The following ARHGEF5 variants were observed in gnomAD, a reference collection of about 807,000 sequenced individuals.
ARHGEF5 encodes Rho guanine nucleotide exchange factor 5, also known as Rho guanine nucleotide exchange factor (GEF) 5.
ARHGEF5 carries 11 observed loss-of-function variants against 104.0 expected under a neutral mutation model. That is an observed-to-expected ratio of 0.11 (90% CI 0.07 to 0.18). The LOEUF is 0.18. Among genes scored for constraint, ARHGEF5 ranks in the 10% least tolerant of loss-of-function variants. ARHGEF5 has a pLI of 1.00. For missense variants in ARHGEF5, 165 were observed against 1,335.4 expected (o/e 0.12, Z 13.66); for synonymous variants, 60 against 512.2 (o/e 0.12, Z 11.92).
Position 144,379,925 on chromosome 7 carries a change from GA to G in ARHGEF5, c.4664del (p.Asp1555AlafsTer25), listed in dbSNP as rs774972038. The G allele has an allele frequency of 6.2e-7, 1 of 1,614,204 alleles. No individual in the cohort carries two copies. The highest frequency in any genetic ancestry group is 1.3e-5 in the African/African-American group (1 of 75,054). On this transcript the variant is annotated frameshift_variant, in exon 15 of 15. Transcript: ENST00000056217. LOFTEE classifies it high-confidence loss of function. ...CTGGCTGGAGGGCGTGAGGCTCTCA[GA>G]CGGGGAGCGAGGCTGGTTTCCTGTG... The part of the protein sequence containing the change: ...DGWLEGVRLS[D>X]GERGWFPVQQ...
At chr7:144,358,000 G>A (rs1308182221) in intron 1 of ARHGEF5, among the ~76,000 whole-genome samples, 6 of 114,186 alleles carry the variant, frequency 5.3e-5, no homozygotes, top group Non-Finnish European at 3.7e-5. Context: ...ATGCCTTTAC[G>A]TGAGTAAGAC....
intron 1 of ARHGEF5, among the ~76,000 whole-genome samples, chr7:144,359,371 C>T (rs1270933614): frequency 3.5e-5 from 5 of 142,754 alleles, no homozygotes; most frequent in African/African-American, 1.3e-4. Flanking sequence ...AGAGGCACAA[C>T]CAAACACTGA....
At position 144,380,276 on chromosome 7, in the gene ARHGEF5, C is replaced by G. The variant is rs1016475493; in HGVS notation, c.*220C>G. The stretch of plus-strand genomic sequence containing the variant: ...GGGACTTTGCACTGGACTCTGGGAA[C>G]CTTTCATCATTAAAAAAAGGGGGAC... On this transcript the variant is annotated 3_prime_UTR_variant, in exon 15 of 15. Coordinates refer to ENST00000056217, the MANE Select transcript of ARHGEF5 (RefSeq NM_005435.4). 1.2e-5 allele frequency: 6 copies of G among 511,222 alleles called. No individual in the cohort carries two copies. Among genetic ancestry groups the G allele is most frequent in the South Asian group, 9.3e-5 (3 of 32,346 alleles). The allele number at this position is 511,222 out of a possible 1,614,324, so 31.7% of individuals were successfully genotyped here.
rs1293570855 is a variant in ARHGEF5, at chr7:144,363,284, G to A, written c.615G>A (p.Arg205=). ...QNEGSESGTI[R]QGEELPPEEL... is the part of the protein sequence containing the mutation. Reference sequence around the variant, plus strand: ...AAGGCTCTGAAAGTGGGACTATCAGGCAGGGGGAAGAGCTGCCACCTGAGG... The same window carrying A: ...AAGGCTCTGAAAGTGGGACTATCAGACAGGGGGAAGAGCTGCCACCTGAGG... The change falls in exon 2 of 15, where the codon AGG becomes AGA. Residue 205 remains arginine, a synonymous_variant. Transcript: ENST00000056217. 1 of 1,592,852 alleles carries A rather than the reference G, an allele frequency of 6.3e-7. No homozygotes were observed. Among genetic ancestry groups the A allele is most frequent in the African/African-American group, 1.4e-5 (1 of 73,612 alleles).
At chr7:144,357,671 C>G (rs1389958223) in intron 1 of ARHGEF5, among the ~76,000 whole-genome samples, 1 of 151,510 alleles carries the variant, frequency 6.6e-6, no homozygotes, top group African/African-American at 2.4e-5. Context: ...GGGGTTGTAT[C>G]CTTGAAATAC....
chr7:144,379,069 G>A (rs374460173), intron 14 of ARHGEF5, among the ~76,000 whole-genome samples: 15 of 152,310 alleles, frequency 9.8e-5, no homozygotes, highest in African/African-American at 3.1e-4. Context: ...GAAACCTGTA[G>A]GGAAGATCCT....
intron 1 of ARHGEF5, among the ~76,000 whole-genome samples, chr7:144,358,724 C>G (rs1168518542): frequency 2.5e-5 from 2 of 79,242 alleles, no homozygotes; most frequent in African/African-American, 9.7e-5. Flanking sequence ...TTGGTTATGT[C>G]AGGCTCTATT....
chr7:144,378,408 T>C (rs1267627840), intron 13 of ARHGEF5, among the ~76,000 whole-genome samples: 1 of 152,158 alleles, frequency 6.6e-6, no homozygotes, highest in Non-Finnish European at 1.5e-5. Flanking sequence ...AAATAAGGGA[T>C]AAATGCCTTG....
At chr7:144,373,759 T>C (rs1449038946) in intron 10 of ARHGEF5, among the ~76,000 whole-genome samples, 7 of 131,754 alleles carry the variant, frequency 5.3e-5, no homozygotes, top group Admixed American at 3.2e-4. Context: ...TAAGATTGGA[T>C]CCAAATTTAG....
chr7:144,377,215 G>C, intron 13 of ARHGEF5, 25 bp downstream of exon 13: 1 of 1,418,048 alleles, frequency 7.1e-7, no homozygotes, highest in Non-Finnish European at 9.4e-7. Flanking sequence ...AAGAGGGAGA[G>C]AAAAGAAAGC....
At chr7:144,379,667 T>C (rs2053786429) in intron 14 of ARHGEF5, among the ~76,000 whole-genome samples, 1 of 152,142 alleles carries the variant, frequency 6.6e-6, no homozygotes. Flanking sequence ...TCAACATAAA[T>C]GTTAGGAGGG....
intron 1 of ARHGEF5, among the ~76,000 whole-genome samples, chr7:144,361,365 A>G (rs2053638566): frequency 7.4e-6 from 1 of 135,522 alleles, no homozygotes; most frequent in African/African-American, 2.7e-5. Flanking sequence ...GAACCACCCA[A>G]AATGAAGATC....
chr7:144,360,632 G>A (rs944702226), intron 1 of ARHGEF5, among the ~76,000 whole-genome samples: 1 of 112,762 alleles, frequency 8.9e-6, no homozygotes. Flanking sequence ...CATGATTTTA[G>A]GAAAAGGTGG....
At chr7:144,378,664 C>A in intron 13 of ARHGEF5, 98 bp from the exon 14 acceptor site, 2 of 966,906 alleles carry the variant, frequency 2.1e-6, no homozygotes, top group Non-Finnish European at 3.2e-6. Flanking sequence ...AAATCTGTCT[C>A]TATCTCAAGT....
At chr7:144,377,793 AACAAACAACT>A (rs1422498536) in intron 13 of ARHGEF5, among the ~76,000 whole-genome samples, 4 of 152,182 alleles carry the variant, frequency 2.6e-5, no homozygotes, top group African/African-American at 9.7e-5. Flanking sequence ...GACTGAAAAG[AACAAACAACT>A]ACAAGGAACC....
intron 10 of ARHGEF5, among the ~76,000 whole-genome samples, chr7:144,373,485 G>T (rs2053738499): frequency 1.2e-5 from 1 of 85,528 alleles, no homozygotes; most frequent in Admixed American, 1.2e-4. Context: ...TGAAGGTAAA[G>T]AATTGTGTGT....
At chr7:144,359,653 T>G in intron 1 of ARHGEF5, among the ~76,000 whole-genome samples, 1 of 90,036 alleles carries the variant, frequency 1.1e-5, no homozygotes, top group East Asian at 3.8e-4. Flanking sequence ...CAGAGAGAAG[T>G]GAGCTAAAGA....
In ARHGEF5 at chr7:144,365,105, GCTACCCC is replaced by G; in HGVS notation, c.2444_2450del (p.Pro815LeufsTer29). ...CCCCCAGGTGGAGATACAACAAGCC[GCTACCCC>G]CTACCCCTGATTTGCCGCAGCCCCA... is the stretch of plus-strand genomic sequence containing the variant. On this transcript the variant is annotated frameshift_variant, in exon 2 of 15. Transcript: ENST00000056217. LOFTEE classifies it high-confidence loss of function. 1.4e-6 allele frequency: 2 copies of G among 1,380,584 alleles called. No individual in the cohort carries two copies. Among genetic ancestry groups the G allele is most frequent in the Non-Finnish European group, 2.0e-6 (2 of 1,006,858 alleles). 85.5% of individuals were successfully genotyped at this position (1,380,584 alleles called of 1,614,324 possible).
At chr7:144,361,233 A>T (rs1331683028) in intron 1 of ARHGEF5, among the ~76,000 whole-genome samples, 1 of 6,692 alleles carries the variant, frequency 1.5e-4, no homozygotes, top group Non-Finnish European at 4.1e-4. Context: ...TCTCAAAAAA[A>T]AAAAAAAAGA....
Sources: gnomAD v4.1 joint callset for allele counts (sites outside exome capture counted in the v4.1 genomes callset) on GRCh38, gnomAD v4.1.1 for gene constraint, MANE v1.5 for transcripts, NCBI Gene and HGNC (gene_info 2026-07-23, HGNC 2026-07-21) for gene names.